MAN2A2: variants seen among roughly 807,000 people sequenced by gnomAD.
MAN2A2 encodes the protein mannosidase alpha class 2A member 2.
Under a neutral mutation model 126.8 loss-of-function variants are expected in MAN2A2, and 79 were observed. The ratio of observed to expected loss-of-function variants is 0.62; its 90% confidence interval spans 0.52 to 0.75. The LOEUF (loss-of-function observed/expected upper bound fraction) is 0.75, where lower values mean the gene tolerates loss of function less well. MAN2A2 is among the 30% of genes least tolerant of loss of function. The probability of loss-of-function intolerance (pLI) is 0.00; values close to 1 mark genes in which losing one functional copy is unlikely to be tolerated. For missense variants in MAN2A2, 1,392 were observed against 1,522.4 expected, an observed-to-expected ratio of 0.91 and a Z score of 1.43; for synonymous variants, 671 against 618.7, an observed-to-expected ratio of 1.08 and a Z score of -1.25.
rs2151335257 is a variant in MAN2A2, at chr15:90,920,062, G to A, written c.*275G>A. 2.5e-6 allele frequency: 1 copy of A among 396,754 alleles called. No individual in the cohort carries two copies. Among genetic ancestry groups the A allele is most frequent in the Non-Finnish European group, 4.6e-6 (1 of 218,028 alleles). The allele number at this position is 396,754 out of a possible 1,614,324, so 24.6% of individuals were successfully genotyped here. A position where few individuals can be genotyped will look rare whatever the true frequency, so the allele number is the denominator to read the frequency against. On this transcript the variant is annotated 3_prime_UTR_variant, in exon 23 of 23. Coordinates refer to ENST00000559717, the MANE Select transcript of MAN2A2 (RefSeq NM_006122.4). ...CCAGGCTCTGCTTTGGGTTGTGAGT[G>A]GACACCCAACTGGGCACAGGCTCAG...
rs185166432 is a variant in MAN2A2 at position 90,922,083 on chromosome 15, G to A, written c.*2296G>A. On this transcript the variant is annotated 3_prime_UTR_variant, in exon 23 of 23. Coordinates refer to ENST00000559717, the MANE Select transcript of MAN2A2 (RefSeq NM_006122.4). The stretch of plus-strand genomic sequence containing the variant: ...AAAGATATAATAAGGGAAAAGATAA[G>A]CAGATTTCGCAACCAAAAAATATCG... The A allele has an allele frequency of 8.5e-5, 13 of 152,288 alleles. No individual in the cohort carries two copies. Among genetic ancestry groups the A allele is most frequent in the African/African-American group, 3.1e-4 (13 of 41,564 alleles). 9.4% of individuals were successfully genotyped at this position (152,288 alleles called of 1,614,324 possible).
intron 21 of MAN2A2, 55 bp downstream of exon 21, chr15:90,918,443 C>A: frequency 6.4e-7 from 1 of 1,552,406 alleles, no homozygotes; most frequent in South Asian, 1.2e-5. Context: ...GTGTCCCTCC[C>A]TGCTCAGCTC....
At chr15:90,906,604 C>G (rs534179769) in intron 6 of MAN2A2, 107 bp downstream of exon 6, 1 of 1,576,688 alleles carries the variant, frequency 6.3e-7, no homozygotes, top group Admixed American at 1.7e-5. Flanking sequence ...TAGGCAGATC[C>G]CACCATGTGG....
Position 90,904,637 on chromosome 15 carries a change from T to G in MAN2A2, c.132+298T>G, listed in dbSNP as rs7184022. On this transcript the variant is annotated intron_variant, in intron 2 of 22. Coordinates refer to ENST00000559717, the MANE Select transcript of MAN2A2 (RefSeq NM_006122.4). ...CAGAGTCTCGCTCTGTCGCCCAGCC[T>G]TGAGTGCAGTGGCGCGATCTTGGCT... 0.29 allele frequency among the ~76,000 whole-genome samples: 43,410 copies of G among 151,076 alleles called. 6,616 individuals carry two copies. Among genetic ancestry groups the G allele is most frequent in the East Asian group, 0.56 (2,880 of 5,098 alleles).
rs912447732 is a variant in MAN2A2 at position 90,920,636 on chromosome 15, G to C, written c.*849G>C. 6.6e-6 allele frequency: 1 copy of C among 152,248 alleles called. No homozygotes were observed. Among genetic ancestry groups the C allele is most frequent in the Non-Finnish European group, 1.5e-5 (1 of 68,072 alleles). The allele number at this position is 152,248 out of a possible 1,614,324, so 9.4% of individuals were successfully genotyped here. On this transcript the variant is annotated 3_prime_UTR_variant, in exon 23 of 23. Coordinates refer to ENST00000559717, the MANE Select transcript of MAN2A2 (RefSeq NM_006122.4). Reference sequence around the variant, plus strand: ...GGGCTCTTTCTTATTATGGCAGGGAGTGGGGATTGGTCCTACTTTCTTTCT... The same window carrying C: ...GGGCTCTTTCTTATTATGGCAGGGACTGGGGATTGGTCCTACTTTCTTTCT...
At chr15:90,913,130 A>G in intron 17 of MAN2A2, 139 bp downstream of exon 17, 4 of 1,237,708 alleles carry the variant, frequency 3.2e-6, no homozygotes, top group Non-Finnish European at 4.6e-6. Flanking sequence ...TCTTGGAGAA[A>G]AAGTCATCCA....
intron 20 of MAN2A2, chr15:90,916,730 G>A: frequency 8.7e-7 from 1 of 1,152,580 alleles, no homozygotes; most frequent in South Asian, 1.3e-5. Flanking sequence ...CCAGGTGACA[G>A]AGCCCGCCAC....
chr15:90,910,379 A>G, intron 10 of MAN2A2, 87 bp downstream of exon 10: 1 of 1,571,262 alleles, frequency 6.4e-7, no homozygotes, highest in African/African-American at 1.3e-5. Flanking sequence ...AGAAGGGAAT[A>G]GATAGGCCCA....
Position 90,905,630 on chromosome 15 carries a change from T to C in MAN2A2, c.442T>C (p.Trp148Arg). ...GTTTGACAACGTGGATGGTGGTGTG[T>C]GGAGGCAAGGCTTCGACATCTCCTA... ...LPFDNVDGGV[W>R]RQGFDISYDP... The change falls in exon 4 of 23, where the codon TGG becomes CGG. Residue 148 changes from tryptophan to arginine, a missense_variant. Transcript: ENST00000559717. The C allele has an allele frequency of 6.2e-7, 1 of 1,614,130 alleles. No homozygotes were observed. Among genetic ancestry groups the C allele is most frequent in the Non-Finnish European group, 8.5e-7 (1 of 1,180,022 alleles).
At chr15:90,916,556 C>T in intron 20 of MAN2A2, 2 of 1,398,026 alleles carry the variant, frequency 1.4e-6, no homozygotes, top group East Asian at 7.2e-5. Flanking sequence ...TCCAACCCCG[C>T]TCATCTCATG....
chr15:90,916,842 G>A (rs185541610), intron 20 of MAN2A2, among the ~76,000 whole-genome samples: 9 of 152,346 alleles, frequency 5.9e-5, no homozygotes, highest in East Asian at 3.9e-4. Context: ...GAGTTTACTC[G>A]TGAGTAGGGG....
rs756269003 is a variant in MAN2A2, at chr15:90,912,217, G to A, written c.2284G>A (p.Asp762Asn). The A allele has an allele frequency of 1.8e-5, 29 of 1,614,098 alleles. No individual in the cohort carries two copies. The highest frequency in any genetic ancestry group is 5.0e-5 in the Admixed American group (3 of 60,012). The change falls in exon 15 of 23, where the codon GAC (aspartate) becomes AAC (asparagine). Residue 762 changes from aspartate to asparagine, a missense_variant. By Grantham distance (23) the Asp-to-Asn change is conservative. Coordinates refer to ENST00000559717, the MANE Select transcript of MAN2A2 (RefSeq NM_006122.4). ...PLRVIDSGTS[D>N]FALSNRYMQV... ...CCGTGTCATTGACTCTGGCACCAGC[G>A]ACTTCGCCCTCAGCAACCGCTACAT...
At chr15:90,906,970 C>T (rs180934164) in intron 7 of MAN2A2, 57 bp downstream of exon 7, 1 of 1,581,314 alleles carries the variant, frequency 6.3e-7, no homozygotes, top group Admixed American at 1.7e-5. Context: ...TGGGGAACAG[C>T]AGGGATATCA....
chr15:90,910,897 A>G lies in MAN2A2; in HGVS notation c.1811A>G (p.His604Arg), dbSNP rs1358292586. 6 of 1,613,944 alleles carry G rather than the reference A, an allele frequency of 3.7e-6. No individual in the cohort carries two copies. The highest frequency in any genetic ancestry group is 1.3e-5 in the African/African-American group (1 of 74,870). Reference sequence around the variant, plus strand: ...AAGCAGGTCATCATTCATGCAGCCCACTATCTGGTGCTGGGGGACAAGGAG... The same window carrying G: ...AAGCAGGTCATCATTCATGCAGCCCGCTATCTGGTGCTGGGGGACAAGGAG... ...NLKQVIIHAA[H>R]YLVLGDKETY... Residue 604 changes from histidine to arginine, a missense_variant, in exon 12 of 23, where the codon CAC becomes CGC. Coordinates refer to ENST00000559717, the MANE Select transcript of MAN2A2 (RefSeq NM_006122.4).
intron 2 of MAN2A2, among the ~76,000 whole-genome samples, chr15:90,904,598 T>C (rs1172524259): frequency 4.6e-5 from 7 of 151,836 alleles, no homozygotes; most frequent in Non-Finnish European, 8.8e-5. Flanking sequence ...TCTTTCTTTT[T>C]TTTTTTTTTG....
chr15:90,914,446 A>G (rs868178195), intron 19 of MAN2A2, among the ~76,000 whole-genome samples: 1 of 152,226 alleles, frequency 6.6e-6, no homozygotes, highest in African/African-American at 2.4e-5. Flanking sequence ...AGTGTTATGA[A>G]ATATTAAGGA....
At position 90,911,966 on chromosome 15, in the gene MAN2A2, CTGTT is replaced by C. The variant is rs1314635814; in HGVS notation, c.2110-76_2110-73del. The C allele has an allele frequency of 2.4e-6, 3 of 1,234,486 alleles. No individual in the cohort carries two copies. In the East Asian group the frequency reaches 7.0e-5, roughly 29 times the overall value. The allele number at this position is 1,234,486 out of a possible 1,614,324, so 76.5% of individuals were successfully genotyped here. ...GGGTGCAGGGGCTTGCTCAAGCCCT[CTGTT>C]AGTAAGCGGATGCCTCAGCACCCCT... On this transcript the variant is annotated intron_variant, in intron 14 of 22. Transcript: ENST00000559717.
chr15:90,919,586 T>C (rs1409030852), intron 22 of MAN2A2, 49 bp from the exon 23 acceptor site: 2 of 1,599,010 alleles, frequency 1.3e-6, no homozygotes, highest in Admixed American at 1.7e-5. Context: ...CCACATTCTT[T>C]AGTGTCTCGG....
chr15:90,911,749 G>C lies in MAN2A2; in HGVS notation c.2109+199G>C, dbSNP rs61626861. ...TGTCCTTGAAAAGAAGGGGAAGGTT[G>C]GTATGGTAATAGTAATGGTAAAAAT... On this transcript the variant is annotated intron_variant, in intron 14 of 22. Coordinates refer to ENST00000559717, the MANE Select transcript of MAN2A2 (RefSeq NM_006122.4). The C allele has an allele frequency of 3.2e-3, 2,048 of 634,914 alleles. 31 individuals are homozygous for C. The African/African-American group carries it at 0.034, about 10-fold the overall frequency. The allele number at this position is 634,914 out of a possible 1,614,324, so 39.3% of individuals were successfully genotyped here.
Sources: gnomAD v4.1 joint callset for allele counts (sites outside exome capture counted in the v4.1 genomes callset) on GRCh38, gnomAD v4.1.1 for gene constraint, MANE v1.5 for transcripts, NCBI Gene and HGNC (gene_info 2026-07-23, HGNC 2026-07-21) for gene names.